MIOS: variants seen among roughly 807,000 people sequenced by gnomAD.
The protein encoded by MIOS is GATOR2 complex protein MIOS.
Under a neutral mutation model 96.9 loss-of-function variants are expected in MIOS, and 52 were observed. The ratio of observed to expected loss-of-function variants is 0.54; its 90% confidence interval spans 0.43 to 0.68. The LOEUF (loss-of-function observed/expected upper bound fraction) is 0.68. Among genes scored for constraint, MIOS ranks in the 30% least tolerant of loss-of-function variants. MIOS has a pLI of 0.00. For synonymous variants in MIOS, 397 were observed against 359.5 expected, an observed-to-expected ratio of 1.10 and a Z score of -1.18; for missense variants, 1,005 against 1,052.8, an observed-to-expected ratio of 0.95 and a Z score of 0.63.
In MIOS at chr7:7,597,517, T is replaced by TATATAAA. The variant is rs372634070; in HGVS notation, c.2401+1056_2401+1057insATATAAA. On this transcript the variant is annotated intron_variant, in intron 11 of 12. Coordinates refer to ENST00000340080, the MANE Select transcript of MIOS (RefSeq NM_019005.4). Reference sequence around the variant, plus strand: ...ATATATATATATATATATATATATATGAAGGCAATACGTAATGTTTTAAAT... The same window carrying TATATAAA: ...ATATATATATATATATATATATATATATATAAAGAAGGCAATACGTAATGTTTTAAAT... Among the ~76,000 whole-genome samples, 45 of 70,398 alleles carry TATATAAA rather than the reference T, an allele frequency of 6.4e-4. 6 individuals are homozygous for TATATAAA. The highest frequency in any genetic ancestry group is 1.8e-3 in the South Asian group (4 of 2,194). 46.2% of individuals were successfully genotyped at this position (70,398 alleles called of 152,430 possible). A position where few individuals can be genotyped will look rare whatever the true frequency, so the allele number is the denominator to read the frequency against.
In MIOS at chr7:7,573,412, A is replaced by G; in HGVS notation, c.937A>G (p.Ile313Val). 1 of 1,614,142 alleles carries G rather than the reference A, an allele frequency of 6.2e-7. No homozygotes were observed. Among genetic ancestry groups the G allele is most frequent in the Non-Finnish European group, 8.5e-7 (1 of 1,179,960 alleles). The stretch of plus-strand genomic sequence containing the variant: ...CATTGGGGATGAAACTGAACCCACA[A>G]TAATTGAAAGAAGTGTGCAACCTTG... ...TPIGDETEPT[I>V]IERSVQPCDN... Residue 313 changes from isoleucine (I) to valine (V), a missense_variant, in exon 4 of 13, where the codon ATA becomes GTA. Transcript: ENST00000340080. This position sits in a 1 kb window ranked among gnomAD's most constrained non-coding sequence, Gnocchi z 5.0.
chr7:7,603,410 C>G (rs11771272), intron 11 of MIOS, among the ~76,000 whole-genome samples: 99,724 of 151,892 alleles, frequency 0.66, 32,987 homozygotes, highest in Admixed American at 0.74. Flanking sequence ...AGGATATGAA[C>G]AGACACTTCT....
Position 7,589,491 on chromosome 7 carries a change from T to TG in MIOS, c.1973dup (p.Val659SerfsTer9). 1 of 1,613,708 alleles carries TG rather than the reference T, an allele frequency of 6.2e-7. No homozygotes were observed. The highest frequency in any genetic ancestry group is 8.5e-7 in the Non-Finnish European group (1 of 1,179,760). On this transcript the variant is annotated frameshift_variant, in exon 9 of 13. Coordinates refer to ENST00000340080, the MANE Select transcript of MIOS (RefSeq NM_019005.4). Reference sequence around the variant, plus strand: ...TTTTGCTTACAGGCCTTACTAAAGATGGAGTGGACTTAATGGAGAGTTATG... The same window carrying TG: ...TTTTGCTTACAGGCCTTACTAAAGATGGGAGTGGACTTAATGGAGAGTTATG...
At chr7:7,574,986 T>C (rs1309385384) in intron 5 of MIOS, among the ~76,000 whole-genome samples, 1 of 152,108 alleles carries the variant, frequency 6.6e-6, no homozygotes, top group African/African-American at 2.4e-5. Context: ...TCCAAAATGC[T>C]CCGATGAGCA....
At chr7:7,583,049 C>G in intron 5 of MIOS, 69 bp from the exon 6 acceptor site, 1 of 1,462,270 alleles carries the variant, frequency 6.8e-7, no homozygotes, top group Non-Finnish European at 9.2e-7. Flanking sequence ...ACATAGTTCT[C>G]TGTAAAACTG....
chr7:7,604,455 A>G (rs182905734), intron 11 of MIOS, among the ~76,000 whole-genome samples: 204 of 152,308 alleles, frequency 1.3e-3, no homozygotes, highest in Middle Eastern at 3.4e-3. Flanking sequence ...TTTATTCAAC[A>G]AATGTTTATT....
At chr7:7,594,534 A>G (rs111867341) in intron 9 of MIOS, among the ~76,000 whole-genome samples, 21,016 of 152,086 alleles carry the variant, frequency 0.14, 1,637 homozygotes, top group East Asian at 0.28. Context: ...ACGTCAAGTG[A>G]TCCGCCTACC....
At chr7:7,596,837 T>C (rs1784216423) in intron 11 of MIOS, among the ~76,000 whole-genome samples, 1 of 152,204 alleles carries the variant, frequency 6.6e-6, no homozygotes, top group Non-Finnish European at 1.5e-5. Context: ...TTTCTAAGGA[T>C]CTTTTGACAT....
rs1167433396 is a variant in MIOS, at chr7:7,572,737, G to A, written c.262G>A (p.Val88Ile). ...LAVGQANGRV[V>I]LTSLGQDHNS... ...AGTTGGACAAGCAAATGGTCGAGTT[G>A]TACTTACAAGCCTTGGTCAAGATCA... The change falls in exon 4 of 13, where the codon GTA becomes ATA. Residue 88 changes from valine to isoleucine, a missense_variant. Coordinates refer to ENST00000340080, the MANE Select transcript of MIOS (RefSeq NM_019005.4). The surrounding 1 kb of genome is among the most constrained non-coding windows in gnomAD (Gnocchi z 4.8). 2 of 1,614,130 alleles carry A rather than the reference G, an allele frequency of 1.2e-6. No homozygotes were observed. Among genetic ancestry groups the A allele is most frequent in the East Asian group, 2.2e-5 (1 of 44,884 alleles).
chr7:7,581,323 TTATATA>T (rs1783718533), intron 5 of MIOS, among the ~76,000 whole-genome samples: 1 of 152,090 alleles, frequency 6.6e-6, no homozygotes, highest in South Asian at 2.1e-4. Context: ...AAGAAAAATT[TTATATA>T]TGTAATTTAA....
chr7:7,600,965 C>G (rs1289414425), intron 11 of MIOS, among the ~76,000 whole-genome samples: 1 of 152,198 alleles, frequency 6.6e-6, no homozygotes, highest in African/African-American at 2.4e-5. Context: ...TCCTGAATGA[C>G]TACTGGGTAC....
At chr7:7,588,994 G>A (rs1783970424) in intron 8 of MIOS, among the ~76,000 whole-genome samples, 2 of 152,098 alleles carry the variant, frequency 1.3e-5, no homozygotes, top group Admixed American at 1.3e-4. Context: ...CTTGGCAAGA[G>A]TTTGGGGTGG....
Position 7,572,182 on chromosome 7 carries a change from T to A in MIOS, c.-40-254T>A, listed in dbSNP as rs145383820. Among the ~76,000 whole-genome samples, 13 of 152,242 alleles carry A rather than the reference T, an allele frequency of 8.5e-5. No homozygotes were observed. Among genetic ancestry groups the A allele is most frequent in the African/African-American group, 2.2e-4 (9 of 41,468 alleles). On this transcript the variant is annotated intron_variant, in intron 3 of 12. Transcript: ENST00000340080. The surrounding 1 kb of genome is among the most constrained non-coding windows in gnomAD (Gnocchi z 4.8). ...ACTAGTAACAGTGCAATTAAGATAATTGATCATGGGAAATATAGCCAGGAT... is the reference window on the plus strand; with the variant it reads ...ACTAGTAACAGTGCAATTAAGATAAATGATCATGGGAAATATAGCCAGGAT...
rs540503916 is a variant in MIOS, at chr7:7,570,541, T to A, written c.-40-1895T>A. Among the ~76,000 whole-genome samples the A allele has an allele frequency of 5.3e-5, 8 of 152,210 alleles. No individual in the cohort carries two copies. In the South Asian group the frequency reaches 1.7e-3, roughly 32 times the overall value. The stretch of plus-strand genomic sequence containing the variant: ...ATTGTGCACTTTATTTCTATTTACA[T>A]TGTACTATACAATGAAATAATTATA... On this transcript the variant is annotated intron_variant, in intron 3 of 12. Transcript: ENST00000340080.
At chr7:7,584,539 G>A (rs1449540251) in intron 6 of MIOS, among the ~76,000 whole-genome samples, 1 of 152,010 alleles carries the variant, frequency 6.6e-6, no homozygotes, top group East Asian at 1.9e-4. Flanking sequence ...ATACTTCTTT[G>A]CTATTTTTAT....
At chr7:7,568,882 T>G (rs767003773) in intron 3 of MIOS, among the ~76,000 whole-genome samples, 2 of 152,216 alleles carry the variant, frequency 1.3e-5, no homozygotes, top group Non-Finnish European at 2.9e-5. Flanking sequence ...AATAGAAGTA[T>G]TTTAGGTGCA....
At position 7,573,221 on chromosome 7, in the gene MIOS, C is replaced by T; in HGVS notation, c.746C>T (p.Ala249Val). 6.2e-7 allele frequency: 1 copy of T among 1,614,100 alleles called. No homozygotes were observed. Among genetic ancestry groups the T allele is most frequent in the South Asian group, 1.1e-5 (1 of 91,084 alleles). ...RVASFYEGQV[A>V]IWDLRKFEKP... ...GCTTCCTTCTATGAAGGTCAGGTTG[C>T]AATATGGGATCTTAGAAAATTTGAG... is the stretch of plus-strand genomic sequence containing the variant. The change falls in exon 4 of 13, where the codon GCA (alanine) becomes GTA (valine). Residue 249 changes from alanine to valine, a missense_variant. Ala to Val is a moderately conservative substitution (Grantham distance 64). Coordinates refer to ENST00000340080, the MANE Select transcript of MIOS (RefSeq NM_019005.4). This position sits in a 1 kb window ranked among gnomAD's most constrained non-coding sequence, Gnocchi z 5.0.
Position 7,597,488 on chromosome 7 carries a change from ATATATATATATATATATATATATATATAT to A in MIOS, c.2401+1028_2401+1056del, listed in dbSNP as rs1563040884. On this transcript the variant is annotated intron_variant, in intron 11 of 12. Transcript: ENST00000340080. Reference sequence around the variant, plus strand: ...TAAATTTATATATATATATATATATATATATATATATATATATATATATATATATGAAGGCAATACGTAATGTTTTAAAT... The same window carrying A: ...TAAATTTATATATATATATATATATAGAAGGCAATACGTAATGTTTTAAAT... Among the ~76,000 whole-genome samples the A allele has an allele frequency of 3.3e-5, 2 of 60,400 alleles. 1 individual carries two copies. Among genetic ancestry groups the A allele is most frequent in the Non-Finnish European group, 7.1e-5 (2 of 28,306 alleles). The allele number at this position is 60,400 out of a possible 152,430, so 39.6% of individuals were successfully genotyped here. A position where few individuals can be genotyped will look rare whatever the true frequency, so the allele number is the denominator to read the frequency against.
intron 5 of MIOS, 118 bp downstream of exon 5, chr7:7,574,314 TTG>T: frequency 1.4e-6 from 1 of 706,852 alleles, no homozygotes; most frequent in South Asian, 2.1e-5. Context: ...ATAATTTTTT[TTG>T]TTTTCTGATT....
Sources: allele counts gnomAD v4.1 joint callset (sites outside exome capture counted in the v4.1 genomes callset), GRCh38; gene constraint gnomAD v4.1.1; non-coding constraint Gnocchi (gnomAD v3.1); transcripts MANE v1.5; gene names NCBI Gene and HGNC (gene_info 2026-07-23, HGNC 2026-07-21).